Variants in ODAD3 observed in about 807,000 individuals in gnomAD.
ODAD3 encodes outer dynein arm-docking complex subunit 3.
ODAD3 carries 57 observed loss-of-function variants against 70.9 expected under a neutral mutation model. The observed-to-expected ratio is 0.80, with a 90% CI of 0.65 to 1.00. The LOEUF (loss-of-function observed/expected upper bound fraction) is 1.00, where lower values mean the gene tolerates loss of function less well. Among genes scored for constraint, ODAD3 ranks in the 50% least tolerant of loss-of-function variants. The pLI is 0.00. For synonymous variants in ODAD3, 327 were observed against 315.9 expected (o/e 1.04, Z -0.37); for missense variants, 797 against 763.9 (o/e 1.04, Z -0.51).
At chr19:11,425,188 T>C (rs1181317825) in intron 7 of ODAD3, among the ~76,000 whole-genome samples, 1 of 135,694 alleles carries the variant, frequency 7.4e-6, no homozygotes, top group African/African-American at 3.3e-5. Flanking sequence ...TATGTGTATA[T>C]ATACATATGT....
In ODAD3 at chr19:11,423,395, G is replaced by T. The variant is rs765377285; in HGVS notation, c.1116+482C>A. Among the ~76,000 whole-genome samples, 5 of 152,264 alleles carry T rather than the reference G, an allele frequency of 3.3e-5. No homozygotes were observed. In the South Asian group the frequency reaches 1.0e-3, roughly 32 times the overall value. ...ACAGGGTTGGGGTCCAGTGTTCACC[G>T]GCGGGAACCAGGACCCAAGGGGGAC... On this transcript the variant is annotated intron_variant, in intron 8 of 12. Coordinates refer to ENST00000356392, the MANE Select transcript of ODAD3 (RefSeq NM_145045.5).
chr19:11,427,946 A>G (rs1969420590), intron 3 of ODAD3, among the ~76,000 whole-genome samples: 1 of 151,816 alleles, frequency 6.6e-6, no homozygotes, highest in Non-Finnish European at 1.5e-5. Flanking sequence ...TAAAAATACA[A>G]AAAATTAGCC....
intron 11 of ODAD3, among the ~76,000 whole-genome samples, chr19:11,421,436 C>A (rs1599451461): frequency 6.6e-6 from 1 of 152,270 alleles, no homozygotes; most frequent in East Asian, 1.9e-4. Context: ...TAGGCCTCTC[C>A]CCATCCGGAT....
chr19:11,425,233 G>A (rs1306890777), intron 7 of ODAD3, among the ~76,000 whole-genome samples: 1 of 134,894 alleles, frequency 7.4e-6, no homozygotes, highest in African/African-American at 3.3e-5. Flanking sequence ...GTGTGTATAT[G>A]TACATATGTG....
chr19:11,435,361 A>G (rs1599474482), upstream of ODAD3: 5 of 484,556 alleles, frequency 1.0e-5, no homozygotes, highest in Non-Finnish European at 7.0e-6. Context: ...ACCTCCCCCA[A>G]CCTTATCCCG....
At chr19:11,426,627 C>G in intron 5 of ODAD3, 56 bp from the exon 6 acceptor site, 1 of 1,613,538 alleles carries the variant, frequency 6.2e-7, no homozygotes, top group African/African-American at 1.3e-5. Flanking sequence ...ACTGCTGTCC[C>G]TAGCCAAGCC....
chr19:11,435,361 A>T, upstream of ODAD3: 1 of 484,674 alleles, frequency 2.1e-6, no homozygotes, highest in Non-Finnish European at 3.5e-6. Flanking sequence ...ACCTCCCCCA[A>T]CCTTATCCCG....
chr19:11,420,810 C>T lies in ODAD3; in HGVS notation c.*25G>A. On this transcript the variant is annotated 3_prime_UTR_variant, in exon 13 of 13. Transcript: ENST00000356392. ...GAGGGATCGGGGGCTCCGAAGGGGG[C>T]CGCCTGGTGGGTGTCAGGACGAGTC... 1 of 1,595,372 alleles carries T rather than the reference C, an allele frequency of 6.3e-7. No homozygotes were observed. Among genetic ancestry groups the T allele is most frequent in the South Asian group, 1.1e-5 (1 of 90,722 alleles).
intron 3 of ODAD3, among the ~76,000 whole-genome samples, chr19:11,427,420 G>A (rs1427273653): frequency 4.1e-5 from 6 of 145,998 alleles, no homozygotes; most frequent in African/African-American, 1.5e-4. Context: ...TCAACCTCCC[G>A]AGTAGCTGGG....
chr19:11,431,206 G>C, intron 1 of ODAD3, 186 bp from the exon 2 acceptor site: 1 of 653,482 alleles, frequency 1.5e-6, no homozygotes, highest in Non-Finnish European at 2.5e-6. Flanking sequence ...CCGCCTCCCG[G>C]GTTCAAGAGA....
chr19:11,423,162 T>C (rs905770183), intron 8 of ODAD3, among the ~76,000 whole-genome samples: 5 of 152,232 alleles, frequency 3.3e-5, no homozygotes, highest in African/African-American at 1.2e-4. Flanking sequence ...GTGCCATCAA[T>C]TTCTGGCCGT....
At position 11,426,462 on chromosome 19, in the gene ODAD3, G is replaced by T; in HGVS notation, c.824C>A (p.Ala275Asp). 6.2e-7 allele frequency: 1 copy of T among 1,614,064 alleles called. No individual in the cohort carries two copies. Among genetic ancestry groups the T allele is most frequent in the Non-Finnish European group, 8.5e-7 (1 of 1,179,970 alleles). Residue 275 changes from alanine (A) to aspartate (D), a missense_variant, in exon 6 of 13, where the codon GCC becomes GAC. Coordinates refer to ENST00000356392, the MANE Select transcript of ODAD3 (RefSeq NM_145045.5). ...GGGTGGCACCTTGGCAATGTCCCGG[G>T]CATTGAGGGCCTCTTGGTTCACCAC... is the stretch of plus-strand genomic sequence containing the variant. The part of the protein sequence containing the change: ...LHVVNQEALN[A>D]RDIAKNQLQY...
At chr19:11,428,154 G>A (rs957037007) in intron 3 of ODAD3, among the ~76,000 whole-genome samples, 2 of 151,278 alleles carry the variant, frequency 1.3e-5, no homozygotes, top group African/African-American at 2.4e-5. Context: ...CAGGCTGGTC[G>A]CGAATTCCTG....
chr19:11,428,253 G>C (rs540167407), intron 3 of ODAD3, among the ~76,000 whole-genome samples: 1 of 149,766 alleles, frequency 6.7e-6, no homozygotes, highest in East Asian at 2.1e-4. Flanking sequence ...GTTTTGTTTT[G>C]TTTTTTGAGA....
rs1359377584 is a variant in ODAD3 at position 11,425,115 on chromosome 19, A to G, written c.963+1029T>C. ...TATGTGTATATATGTATATATGTGT[A>G]TATGTACATATGTGTATATGTGTAT... On this transcript the variant is annotated intron_variant, in intron 7 of 12. Transcript: ENST00000356392. 2.9e-5 allele frequency among the ~76,000 whole-genome samples: 4 copies of G among 137,006 alleles called. 1 individual carries two copies. The highest frequency in any genetic ancestry group is 9.3e-5 in the African/African-American group (3 of 32,336). 89.9% of individuals were successfully genotyped at this position (137,006 alleles called of 152,430 possible).
In ODAD3 at chr19:11,422,572, G is replaced by T; in HGVS notation, c.1333C>A (p.His445Asn). 6.3e-7 allele frequency: 1 copy of T among 1,590,896 alleles called. No individual in the cohort carries two copies. Among genetic ancestry groups the T allele is most frequent in the Non-Finnish European group, 8.5e-7 (1 of 1,171,108 alleles). The stretch of plus-strand genomic sequence containing the variant: ...TCCAGCTGGTCCTTGGCCTCGGCGT[G>T]CCGCCGCTCCTCCTTCTTGAGACGC... ...QERLKKEERR[H>N]AEAKDQLERA... Residue 445 changes from histidine (H) to asparagine (N), a missense_variant, in exon 10 of 13, where the codon CAC becomes AAC. Physicochemically the swap from His to Asn is moderately conservative, Grantham distance 68. Transcript: ENST00000356392. This position sits in a 1 kb window ranked among gnomAD's most constrained non-coding sequence, Gnocchi z 4.6.
At chr19:11,431,704 G>T (rs1383948750) in intron 1 of ODAD3, among the ~76,000 whole-genome samples, 1 of 151,372 alleles carries the variant, frequency 6.6e-6, no homozygotes, top group Admixed American at 6.6e-5. Context: ...GGAGGCCAAA[G>T]TGAGCGGATC....
In ODAD3 at chr19:11,426,435, A is replaced by T. The variant is rs1969376093; in HGVS notation, c.840+11T>A. On this transcript the variant is annotated intron_variant, in intron 6 of 12. Coordinates refer to ENST00000356392, the MANE Select transcript of ODAD3 (RefSeq NM_145045.5). Reference sequence around the variant, plus strand: ...GCTGGGCAGGATGGCCGAGGGCAAGAGGGGTGGCACCTTGGCAATGTCCCG... The same window carrying T: ...GCTGGGCAGGATGGCCGAGGGCAAGTGGGGTGGCACCTTGGCAATGTCCCG... 6 of 1,613,924 alleles carry T rather than the reference A, an allele frequency of 3.7e-6. No homozygotes were observed. The highest frequency in any genetic ancestry group is 5.1e-6 in the Non-Finnish European group (6 of 1,179,918).
chr19:11,435,289 G>C (rs1969650826), upstream of ODAD3: 3 of 1,034,694 alleles, frequency 2.9e-6, no homozygotes, highest in Non-Finnish European at 4.0e-6. Flanking sequence ...GGGCGGGGTA[G>C]AGCCGCGCCG....
Sources: gnomAD v4.1 joint callset for allele counts (sites outside exome capture counted in the v4.1 genomes callset) on GRCh38, gnomAD v4.1.1 for gene constraint, Gnocchi (gnomAD v3.1) non-coding constraint, MANE v1.5 for transcripts, NCBI Gene and HGNC (gene_info 2026-07-23, HGNC 2026-07-21) for gene names.